SORCS3: variants seen among roughly 807,000 people sequenced by gnomAD.
SORCS3 encodes the protein VPS10 domain-containing receptor SorCS3.
A neutral mutation model predicts 146.3 loss-of-function variants in SORCS3; 57 were observed. That is an observed-to-expected ratio of 0.39 (90% CI 0.31 to 0.49). The LOEUF (loss-of-function observed/expected upper bound fraction) is 0.49, where lower values mean the gene tolerates loss of function less well. Ranked by LOEUF, SORCS3 falls within the 20% of genes least tolerant of loss-of-function variation. SORCS3 has a pLI of 0.92. For synonymous variants in SORCS3, 653 were observed against 618.5 expected, an observed-to-expected ratio of 1.06 and a Z score of -0.83; for missense variants, 1,341 against 1,575.5, an observed-to-expected ratio of 0.85 and a Z score of 2.52.
At chr10:104,652,534 A>C (rs978479350) in intron 1 of SORCS3, among the ~76,000 whole-genome samples, 1 of 152,216 alleles carries the variant, frequency 6.6e-6, no homozygotes, top group Non-Finnish European at 1.5e-5. Flanking sequence ...AAGGAGCTAG[A>C]GACCCTTTGA....
chr10:104,896,456 G>A (rs2018798850), intron 2 of SORCS3, among the ~76,000 whole-genome samples: 1 of 152,236 alleles, frequency 6.6e-6, no homozygotes, highest in Non-Finnish European at 1.5e-5. Context: ...GAGGCCAGGG[G>A]CAACTCAAAG....
chr10:104,663,820 C>CG (rs2015732969), intron 1 of SORCS3, among the ~76,000 whole-genome samples: 1 of 152,090 alleles, frequency 6.6e-6, no homozygotes, highest in Admixed American at 6.6e-5. Context: ...GGCAGCCCCC[C>CG]ACTCCTCTTT....
chr10:104,874,142 T>C, intron 2 of SORCS3, among the ~76,000 whole-genome samples: 1 of 152,184 alleles, frequency 6.6e-6, no homozygotes, highest in Non-Finnish European at 1.5e-5. Context: ...AGTGTGCTTA[T>C]CTTGTTTGCT....
At chr10:105,205,858 T>C (rs537171653) in intron 16 of SORCS3, among the ~76,000 whole-genome samples, 2 of 152,332 alleles carry the variant, frequency 1.3e-5, no homozygotes, top group African/African-American at 4.8e-5. Flanking sequence ...GATAAAGGAA[T>C]GGAACACAGA....
At chr10:104,646,801 G>A (rs1047372670) in intron 1 of SORCS3, among the ~76,000 whole-genome samples, 1 of 152,068 alleles carries the variant, frequency 6.6e-6, no homozygotes, top group Non-Finnish European at 1.5e-5. Flanking sequence ...GTGCCTAGTG[G>A]GTCACTAGGC....
At chr10:105,030,038 C>T (rs1441610497) in intron 4 of SORCS3, among the ~76,000 whole-genome samples, 1 of 152,122 alleles carries the variant, frequency 6.6e-6, no homozygotes, top group Non-Finnish European at 1.5e-5. Flanking sequence ...AGCCCTTCAC[C>T]CTACTTACAT....
rs201091336 is a variant in SORCS3, at chr10:105,026,378, T to C, written c.955-16677T>C. ...GATCTTTACAGGTCACTAAATCAGA[T>C]TGTGGGCAGTCTTCTCTTTAAATGC... On this transcript the variant is annotated intron_variant, in intron 4 of 26. Transcript: ENST00000369701. Among the ~76,000 whole-genome samples the C allele has an allele frequency of 9.2e-5, 14 of 152,294 alleles. No individual in the cohort carries two copies. In the East Asian group the frequency reaches 2.3e-3, roughly 25 times the overall value.
intron 3 of SORCS3, among the ~76,000 whole-genome samples, chr10:104,943,805 T>C (rs932815027): frequency 1.4e-4 from 21 of 152,174 alleles, no homozygotes; most frequent in African/African-American, 5.1e-4. Context: ...GACATAAGAC[T>C]TATTTAAAGC....
intron 1 of SORCS3, among the ~76,000 whole-genome samples, chr10:104,647,376 AGTG>A (rs1273238941): frequency 6.6e-6 from 1 of 152,224 alleles, no homozygotes; most frequent in Non-Finnish European, 1.5e-5. Flanking sequence ...ATTCAGACTC[AGTG>A]GCTCTGTGAA....
At chr10:105,110,715 T>C (rs1440746097) in intron 7 of SORCS3, among the ~76,000 whole-genome samples, 1 of 152,192 alleles carries the variant, frequency 6.6e-6, no homozygotes, top group Non-Finnish European at 1.5e-5. Flanking sequence ...TAGATTTTCA[T>C]TACGGATAGA....
At chr10:104,999,029 G>A (rs1279716092) in intron 4 of SORCS3, among the ~76,000 whole-genome samples, 1 of 152,288 alleles carries the variant, frequency 6.6e-6, no homozygotes, top group East Asian at 1.9e-4. Context: ...AGCAGTGCCA[G>A]TGTCACTTGA....
At chr10:104,717,290 A>G (rs965172798) in intron 1 of SORCS3, among the ~76,000 whole-genome samples, 2 of 149,366 alleles carry the variant, frequency 1.3e-5, no homozygotes, top group African/African-American at 4.9e-5. Flanking sequence ...TATCTCTAAG[A>G]AAAAAAATGT....
intron 4 of SORCS3, among the ~76,000 whole-genome samples, chr10:105,005,585 C>T (rs2055090288): frequency 6.6e-6 from 1 of 152,070 alleles, no homozygotes; most frequent in Non-Finnish European, 1.5e-5. Context: ...AGATGGAACA[C>T]CGTTCTCCTT....
intron 2 of SORCS3, among the ~76,000 whole-genome samples, chr10:104,885,195 A>G (rs1450321921): frequency 6.6e-6 from 1 of 152,144 alleles, no homozygotes; most frequent in Non-Finnish European, 1.5e-5. Flanking sequence ...GTAGATTCTC[A>G]TGGGCACAGC....
At chr10:104,654,181 C>T (rs2015597051) in intron 1 of SORCS3, among the ~76,000 whole-genome samples, 2 of 152,192 alleles carry the variant, frequency 1.3e-5, no homozygotes, top group African/African-American at 2.4e-5. Context: ...ATATGTACCA[C>T]GTTTTCTTTA....
chr10:104,867,706 A>C (rs778120343), intron 2 of SORCS3, among the ~76,000 whole-genome samples: 1 of 152,092 alleles, frequency 6.6e-6, no homozygotes, highest in Non-Finnish European at 1.5e-5. Context: ...GCCTCATCCC[A>C]GTCCCAGGCC....
intron 2 of SORCS3, among the ~76,000 whole-genome samples, chr10:104,862,726 G>C (rs2018418213): frequency 6.6e-6 from 1 of 152,232 alleles, no homozygotes; most frequent in African/African-American, 2.4e-5. Context: ...TGTTGAATCA[G>C]ATGCCAATAT....
At chr10:104,775,543 G>C (rs1292563192) in intron 1 of SORCS3, among the ~76,000 whole-genome samples, 1 of 152,168 alleles carries the variant, frequency 6.6e-6, no homozygotes, top group Non-Finnish European at 1.5e-5. Context: ...TCAGCTCACA[G>C]AGTACTGAAC....
chr10:104,846,235 C>T lies in SORCS3; in HGVS notation c.695+3376C>T, dbSNP rs1304470005. ...GTTTCCCGGTTTGCTGGGACCTCAT[C>T]GGGAGTCTTCTAACTTTTTACTGTC... is the stretch of plus-strand genomic sequence containing the variant. On this transcript the variant is annotated intron_variant, in intron 2 of 26. Transcript: ENST00000369701. 6.6e-5 allele frequency among the ~76,000 whole-genome samples: 10 copies of T among 152,082 alleles called. No individual in the cohort carries two copies. The East Asian group carries it at 9.6e-4, about 15-fold the overall frequency.
Sources: gnomAD v4.1 joint callset for allele counts (sites outside exome capture counted in the v4.1 genomes callset) on GRCh38, gnomAD v4.1.1 for gene constraint, MANE v1.5 for transcripts, NCBI Gene and HGNC (gene_info 2026-07-23, HGNC 2026-07-21) for gene names.